The following FAM161A variants were observed in gnomAD, a reference collection of about 807,000 sequenced individuals.
FAM161A encodes the protein protein FAM161A.
FAM161A carries 57 observed loss-of-function variants against 70.9 expected under a neutral mutation model. The observed-to-expected ratio is 0.80, with a 90% CI of 0.65 to 1.00. The LOEUF is 1.00. FAM161A is among the 50% of genes least tolerant of loss of function. FAM161A has a pLI of 0.00. For synonymous variants in FAM161A, 299 were observed against 295.7 expected, an observed-to-expected ratio of 1.01 and a Z score of -0.12; for missense variants, 880 against 836.0, an observed-to-expected ratio of 1.05 and a Z score of -0.65.
In FAM161A at chr2:61,839,425, C is replaced by A. The variant is rs372121322; in HGVS notation, c.1579G>T (p.Val527Leu). Residue 527 changes from valine to leucine, a missense_variant, in exon 3 of 7, where the codon GTA (valine) becomes TTA (leucine). By Grantham distance (32) the Val-to-Leu change is conservative (BLOSUM62 1). Coordinates refer to ENST00000404929, the MANE Select transcript of FAM161A (RefSeq NM_001201543.2). ...TACTGCGTCCTACTTACTTACCTTA[C>A]GGCTTGTTCTCGTCCTCTGGAAGAT... ...TVSSRGREQA[V>L]RRSLEEKKML... The A allele has an allele frequency of 6.8e-6, 11 of 1,614,046 alleles. No individual in the cohort carries two copies. The African/African-American group carries it at 1.5e-4, about 22-fold the overall frequency.
chr2:61,825,922 C>A lies in FAM161A; in HGVS notation c.*533G>T. ...AAAATGCTGGGATTACAGGCATGAG[C>A]CACCATACCCGGCGTTTTTTCTATA... On this transcript the variant is annotated 3_prime_UTR_variant, in exon 7 of 7. Coordinates refer to ENST00000404929, the MANE Select transcript of FAM161A (RefSeq NM_001201543.2). 1 of 454,136 alleles carries A rather than the reference C, an allele frequency of 2.2e-6. No individual in the cohort carries two copies. The highest frequency in any genetic ancestry group is 2.0e-5 in the African/African-American group (1 of 50,092). The allele number at this position is 454,136 out of a possible 1,614,324, so 28.1% of individuals were successfully genotyped here.
chr2:61,822,779 G>A (rs1271127868), downstream of FAM161A, among the ~76,000 whole-genome samples: 2 of 151,780 alleles, frequency 1.3e-5, no homozygotes, highest in Middle Eastern at 3.4e-3. Flanking sequence ...AAGTAGAGAC[G>A]GGGTTTCACC....
chr2:61,823,743 C>T (rs1672261663), downstream of FAM161A, among the ~76,000 whole-genome samples: 1 of 151,998 alleles, frequency 6.6e-6, no homozygotes, highest in Non-Finnish European at 1.5e-5. Flanking sequence ...AATAAGTCCC[C>T]AGGCCATTTT....
chr2:61,832,007 G>T (rs1413200685), intron 5 of FAM161A, among the ~76,000 whole-genome samples: 1 of 152,050 alleles, frequency 6.6e-6, no homozygotes, highest in Non-Finnish European at 1.5e-5. Context: ...ACTTTGGAAG[G>T]CCGAGAAAGG....
At chr2:61,823,529 C>A (rs2105054138), downstream of FAM161A, among the ~76,000 whole-genome samples, 1 of 151,686 alleles carries the variant, frequency 6.6e-6, no homozygotes, top group South Asian at 2.1e-4. Flanking sequence ...CCCCGCCTGG[C>A]TAACTTTTGT....
chr2:61,803,320 G>C, the FAM161A span: 1 of 664,562 alleles, frequency 1.5e-6, no homozygotes, highest in East Asian at 2.9e-5. Context: ...AAAGTAAAAT[G>C]AACCCAAACA....
At chr2:61,842,918 G>C (rs1188230328) in intron 1 of FAM161A, among the ~76,000 whole-genome samples, 4 of 152,192 alleles carry the variant, frequency 2.6e-5, no homozygotes, top group Non-Finnish European at 5.9e-5. Context: ...AGTGGGGCAA[G>C]ACTTTGGGAG....
In FAM161A at chr2:61,826,053, G is replaced by A. The variant is rs1175312704; in HGVS notation, c.*402C>T. On this transcript the variant is annotated 3_prime_UTR_variant, in exon 7 of 7. Coordinates refer to ENST00000404929, the MANE Select transcript of FAM161A (RefSeq NM_001201543.2). ...AATAGTATAATTAAAAATAGTTATT[G>A]ATTCACACTTTCCAAAATTTTTAAA... 1.1e-5 allele frequency: 5 copies of A among 456,674 alleles called. No individual in the cohort carries two copies. Among genetic ancestry groups the A allele is most frequent in the African/African-American group, 4.0e-5 (2 of 50,050 alleles). 28.3% of individuals were successfully genotyped at this position (456,674 alleles called of 1,614,324 possible). A position where few individuals can be genotyped will look rare whatever the true frequency, so the allele number is the denominator to read the frequency against.
At chr2:61,852,849 A>G (rs1291794590) in intron 1 of FAM161A, among the ~76,000 whole-genome samples, 1 of 152,150 alleles carries the variant, frequency 6.6e-6, no homozygotes, top group Non-Finnish European at 1.5e-5. Context: ...GTCCTCAATC[A>G]TAAGTTTGGT....
intron 1 of FAM161A, among the ~76,000 whole-genome samples, chr2:61,844,711 C>T (rs1476866703): frequency 6.6e-6 from 1 of 152,062 alleles, no homozygotes; most frequent in Non-Finnish European, 1.5e-5. Flanking sequence ...TTAAAACAAA[C>T]AAACAAACAA....
chr2:61,814,674 C>T, the FAM161A span, among the ~76,000 whole-genome samples: 1 of 152,160 alleles, frequency 6.6e-6, no homozygotes, highest in Non-Finnish European at 1.5e-5. Context: ...ATGATTGCAC[C>T]ACTGCACTCC....
At chr2:61,829,372 C>G (rs930599084) in intron 5 of FAM161A, among the ~76,000 whole-genome samples, 4 of 152,114 alleles carry the variant, frequency 2.6e-5, no homozygotes, top group Admixed American at 1.3e-4. Flanking sequence ...CCTGAAATAG[C>G]AAGGACTGAT....
rs977594581 is a variant in FAM161A, at chr2:61,840,509, C to T, written c.495G>A (p.Gln165=). The T allele has an allele frequency of 4.3e-6, 7 of 1,614,020 alleles. No individual in the cohort carries two copies. The highest frequency in any genetic ancestry group is 2.2e-5 in the South Asian group (2 of 91,084). ...AGGAGGACACATACAAGGAGGAAGA[C>T]TGGCCTAAATCAGGCTCTGAAAATG... The part of the protein sequence containing the change: ...MTSFSEPDLG[Q]SSSLYVSSSE... Residue 165 remains glutamine, a synonymous_variant, in exon 3 of 7, where the codon CAG becomes CAA. Transcript: ENST00000404929.
intron 4 of FAM161A, 130 bp from the exon 5 acceptor site, chr2:61,836,239 C>A: frequency 1.3e-6 from 1 of 743,402 alleles, no homozygotes; most frequent in South Asian, 1.6e-5. Flanking sequence ...GCTTAGCTGA[C>A]AAATCAGAAA....
intron 1 of FAM161A, among the ~76,000 whole-genome samples, chr2:61,850,225 C>T (rs1372222748): frequency 1.3e-5 from 2 of 151,836 alleles, no homozygotes; most frequent in African/African-American, 2.4e-5. Context: ...GGAGAAACCC[C>T]GTCTCTACTA....
At chr2:61,835,938 A>C (rs1672752026) in intron 5 of FAM161A, 72 bp downstream of exon 5, 2 of 997,002 alleles carry the variant, frequency 2.0e-6, no homozygotes, top group Non-Finnish European at 3.1e-6. Flanking sequence ...AATGGACTGT[A>C]AATTTAGGAG....
chr2:61,827,339 G>C, intron 5 of FAM161A, 81 bp from the exon 6 acceptor site: 1 of 1,416,540 alleles, frequency 7.1e-7, no homozygotes, highest in Non-Finnish European at 9.8e-7. Context: ...GGCCAGGCGC[G>C]GTGGCTCACG....
At chr2:61,803,442 C>T in the FAM161A span, 1 of 658,726 alleles carries the variant, frequency 1.5e-6, no homozygotes, top group East Asian at 2.7e-5. Flanking sequence ...CTGCAAAGGC[C>T]AGTGTTGGTG....
At position 61,838,874 on chromosome 2, in the gene FAM161A, T is replaced by TTATG. The variant is rs1672876353; in HGVS notation, c.1584-170_1584-169insCATA. On this transcript the variant is annotated intron_variant, in intron 3 of 6. Transcript: ENST00000404929. ...TAGAAATATTTATTTATTTATTTATTTATTTATTTATTTATTTATTTTTTT... is the reference window on the plus strand; with the variant it reads ...TAGAAATATTTATTTATTTATTTATTTATGTATTTATTTATTTATTTATTTTTTT... 3.5e-5 allele frequency among the ~76,000 whole-genome samples: 5 copies of TTATG among 142,136 alleles called. No homozygotes were observed. In the South Asian group the frequency reaches 8.8e-4, roughly 25 times the overall value. The allele number at this position is 142,136 out of a possible 152,430, so 93.2% of individuals were successfully genotyped here.
Sources: allele counts gnomAD v4.1 joint callset (sites outside exome capture counted in the v4.1 genomes callset), GRCh38; gene constraint gnomAD v4.1.1; transcripts MANE v1.5; gene names NCBI Gene and HGNC (gene_info 2026-07-23, HGNC 2026-07-21).